Variants in BMPER observed in about 807,000 individuals in gnomAD.
The protein encoded by BMPER is BMP-binding endothelial regulator protein.
BMPER carries 45 observed loss-of-function variants against 87.3 expected under a neutral mutation model. The ratio of observed to expected loss-of-function variants is 0.52; its 90% CI spans 0.41 to 0.66. The LOEUF (loss-of-function observed/expected upper bound fraction) is 0.66, where lower values mean the gene tolerates loss of function less well. Ranked by LOEUF, BMPER falls within the 30% of genes least tolerant of loss-of-function variation. The pLI, the probability that BMPER is intolerant of heterozygous loss-of-function variation, is 0.00. For missense variants in BMPER, 784 were observed against 867.5 expected (o/e 0.90, Z 1.21); for synonymous variants, 326 against 316.2 (o/e 1.03, Z -0.33).
At chr7:34,054,454 G>C (rs532488360) in intron 8 of BMPER, among the ~76,000 whole-genome samples, 184 of 152,260 alleles carry the variant, frequency 1.2e-3, no homozygotes, top group Non-Finnish European at 2.1e-3. Context: ...TATGTGCCAG[G>C]TATTTTACAT....
chr7:34,141,610 C>CAAAAAAAA (rs70997567), intron 13 of BMPER, among the ~76,000 whole-genome samples: 3 of 54,994 alleles, frequency 5.5e-5, no homozygotes, highest in African/African-American at 7.3e-5. Flanking sequence ...AACACCATCT[C>CAAAAAAAA]AAAAAAAAAA....
At chr7:33,962,241 G>A (rs1176391070) in intron 3 of BMPER, among the ~76,000 whole-genome samples, 1 of 152,134 alleles carries the variant, frequency 6.6e-6, no homozygotes, top group Non-Finnish European at 1.5e-5. Context: ...TTCTCAGTTG[G>A]CTAAGCCAAG....
At chr7:34,029,039 A>G (rs1251078252) in intron 6 of BMPER, among the ~76,000 whole-genome samples, 2 of 152,108 alleles carry the variant, frequency 1.3e-5, no homozygotes, top group Non-Finnish European at 2.9e-5. Context: ...AATGTTAATT[A>G]TGAAAAATGA....
At chr7:34,140,354 A>C (rs77724306) in intron 13 of BMPER, among the ~76,000 whole-genome samples, 1 of 152,266 alleles carries the variant, frequency 6.6e-6, no homozygotes, top group Non-Finnish European at 1.5e-5. Flanking sequence ...CATCAACTTG[A>C]TAAGTGAAAA....
chr7:34,077,821 T>G (rs1458169386), intron 11 of BMPER, among the ~76,000 whole-genome samples: 2 of 152,236 alleles, frequency 1.3e-5, no homozygotes, highest in African/African-American at 4.8e-5. Context: ...AAATTACTTA[T>G]ATGACATTCT....
At chr7:34,147,508 T>C (rs1791060124) in intron 14 of BMPER, among the ~76,000 whole-genome samples, 1 of 152,222 alleles carries the variant, frequency 6.6e-6, no homozygotes. Context: ...TTTGCTCTTG[T>C]TGCCCAGGCT....
chr7:33,915,024 A>G (rs1218653556), intron 2 of BMPER, among the ~76,000 whole-genome samples: 2 of 152,218 alleles, frequency 1.3e-5, no homozygotes, highest in East Asian at 3.9e-4. Flanking sequence ...GATGAGATTC[A>G]GTGGATCCCC....
At chr7:34,081,815 A>G (rs1349970493) in intron 12 of BMPER, among the ~76,000 whole-genome samples, 1 of 152,160 alleles carries the variant, frequency 6.6e-6, no homozygotes, top group Non-Finnish European at 1.5e-5. Context: ...TAAAATTTGA[A>G]TAGAAAAACT....
At chr7:33,923,590 C>T (rs1196525890) in intron 2 of BMPER, among the ~76,000 whole-genome samples, 1 of 152,192 alleles carries the variant, frequency 6.6e-6, no homozygotes, top group African/African-American at 2.4e-5. Context: ...GGTAGCAACC[C>T]TCCCATCCTG....
intron 13 of BMPER, among the ~76,000 whole-genome samples, chr7:34,118,065 C>T (rs1158527474): frequency 1.3e-5 from 2 of 152,114 alleles, no homozygotes; most frequent in African/African-American, 4.8e-5. Flanking sequence ...GCTGTAATCC[C>T]AGCACTCTGG....
chr7:33,922,708 C>G (rs1436286283), intron 2 of BMPER, among the ~76,000 whole-genome samples: 1 of 152,158 alleles, frequency 6.6e-6, no homozygotes, highest in East Asian at 1.9e-4. Context: ...TGGTGGAGAA[C>G]TGGTGGAGAC....
chr7:34,129,577 G>GGAGAGAGAGAGA lies in BMPER; in HGVS notation c.1746-13632_1746-13621dup, dbSNP rs759886152. 9.1e-3 allele frequency among the ~76,000 whole-genome samples: 434 copies of GGAGAGAGAGAGA among 47,668 alleles called. 2 individuals carry two copies. Among genetic ancestry groups the GGAGAGAGAGAGA allele is most frequent in the African/African-American group, 0.013 (169 of 13,180 alleles). 31.3% of individuals were successfully genotyped at this position (47,668 alleles called of 152,430 possible). On this transcript the variant is annotated intron_variant, in intron 13 of 14. Coordinates refer to ENST00000649409, the MANE Select transcript of BMPER (RefSeq NM_001365308.1). The stretch of plus-strand genomic sequence containing the variant: ...GAAAGAAAAGGAAGGAAGGAAGGAA[G>GGAGAGAGAGAGA]GAGAGAGAGAGAGAGAGAGAGAGAG...
chr7:33,930,020 C>T (rs937592280), intron 2 of BMPER, among the ~76,000 whole-genome samples: 10 of 152,158 alleles, frequency 6.6e-5, no homozygotes, highest in East Asian at 1.9e-4. Flanking sequence ...TGCCACTTTA[C>T]GTTAAGGGCT....
intron 11 of BMPER, among the ~76,000 whole-genome samples, chr7:34,071,279 T>C (rs1213850697): frequency 1.3e-5 from 2 of 152,224 alleles, no homozygotes; most frequent in Non-Finnish European, 2.9e-5. Flanking sequence ...AGCAAATGAA[T>C]AATGACTACT....
intron 11 of BMPER, among the ~76,000 whole-genome samples, chr7:34,078,503 C>G (rs1232472617): frequency 6.6e-6 from 1 of 152,110 alleles, no homozygotes; most frequent in Non-Finnish European, 1.5e-5. Context: ...TATTTATATA[C>G]TTACTTTGCT....
chr7:34,079,487 G>A (rs1788955962), intron 12 of BMPER, among the ~76,000 whole-genome samples: 1 of 152,114 alleles, frequency 6.6e-6, no homozygotes, highest in Non-Finnish European at 1.5e-5. Context: ...AAAAATAGCA[G>A]TTGTACTCTC....
chr7:33,914,994 A>G (rs1448893118), intron 2 of BMPER, among the ~76,000 whole-genome samples: 3 of 152,206 alleles, frequency 2.0e-5, no homozygotes, highest in Non-Finnish European at 4.4e-5. Context: ...GTATTTGCAC[A>G]TGGGATTGAA....
chr7:34,130,244 T>C (rs1238321848), intron 13 of BMPER, among the ~76,000 whole-genome samples: 1 of 152,076 alleles, frequency 6.6e-6, no homozygotes, highest in African/African-American at 2.4e-5. Flanking sequence ...TATCTCCTCA[T>C]TTCTCTCCTC....
chr7:34,014,762 A>G (rs540890644), intron 6 of BMPER, among the ~76,000 whole-genome samples: 3 of 152,108 alleles, frequency 2.0e-5, no homozygotes, highest in Non-Finnish European at 2.9e-5. Context: ...ATGTTCACTA[A>G]ATAAAATAGT....
Sources: allele counts gnomAD v4.1 joint callset (sites outside exome capture counted in the v4.1 genomes callset), GRCh38; gene constraint gnomAD v4.1.1; transcripts MANE v1.5; gene names NCBI Gene and HGNC (gene_info 2026-07-23, HGNC 2026-07-21).